FLT1: variants seen among roughly 807,000 people sequenced by gnomAD.
FLT1 encodes vascular endothelial growth factor receptor 1.
FLT1 carries 49 observed loss-of-function variants against 156.3 expected under a neutral mutation model. The observed-to-expected ratio is 0.31, with a 90% CI of 0.25 to 0.40. FLT1 has a LOEUF of 0.40. Among genes scored for constraint, FLT1 ranks in the 10% least tolerant of loss-of-function variants. The pLI is 1.00. For synonymous variants in FLT1, 594 were observed against 583.8 expected (o/e 1.02, Z -0.25); for missense variants, 1,322 against 1,637.2 (o/e 0.81, Z 3.32).
intron 12 of FLT1, among the ~76,000 whole-genome samples, chr13:28,393,055 C>T (rs906182218): frequency 6.6e-6 from 1 of 151,914 alleles, no homozygotes; most frequent in Non-Finnish European, 1.5e-5. Flanking sequence ...GCCTTCTAAC[C>T]CTCAAAGTGA....
chr13:28,301,957 C>T lies in FLT1; in HGVS notation c.*1210G>A, dbSNP rs1870532576. 4.3e-6 allele frequency: 1 copy of T among 233,704 alleles called. No homozygotes were observed. The highest frequency in any genetic ancestry group is 8.5e-6 in the Non-Finnish European group (1 of 118,028). The allele number at this position is 233,704 out of a possible 1,614,324, so 14.5% of individuals were successfully genotyped here. ...GCGCCAGCTAATGCTCTTCCACATC[C>T]TTTCAGATTAGTGTGAGATAGTGGA... On this transcript the variant is annotated 3_prime_UTR_variant, in exon 30 of 30. Transcript: ENST00000282397.
intron 10 of FLT1, among the ~76,000 whole-genome samples, chr13:28,412,278 C>A (rs1034107520): frequency 4.6e-5 from 7 of 152,102 alleles, no homozygotes; most frequent in Non-Finnish European, 5.9e-5. Context: ...CAAACACTAT[C>A]TTTCCCCCTT....
At chr13:28,472,190 T>C (rs615529) in intron 1 of FLT1, among the ~76,000 whole-genome samples, 17,215 of 152,234 alleles carry the variant, frequency 0.11, 1,218 homozygotes, top group Admixed American at 0.2. Context: ...ACGTAGAGTG[T>C]TCTAAAATGC....
At chr13:28,323,045 C>T (rs928171421) in intron 20 of FLT1, 99 bp from the exon 21 acceptor site, 12 of 1,268,092 alleles carry the variant, frequency 9.5e-6, no homozygotes, top group African/African-American at 5.9e-5. Flanking sequence ...GAAATGAGAG[C>T]GTTTCACTTC....
intron 20 of FLT1, among the ~76,000 whole-genome samples, chr13:28,325,306 C>G (rs1356563128): frequency 1.3e-5 from 2 of 152,132 alleles, no homozygotes; most frequent in African/African-American, 4.8e-5. Context: ...CCCAAGGCAC[C>G]ACTTTCCACT....
rs1881683607 is a variant in FLT1, at chr13:28,494,937, G to A, written c.-94C>T. On this transcript the variant is annotated 5_prime_UTR_variant, in exon 1 of 30. Transcript: ENST00000282397. ...TCCGTCCTCTCGTTCGCCGCCGCCG[G>A]CCCCGCGCCCTGAGCGCCCGTCTCG... is the stretch of plus-strand genomic sequence containing the variant. 6.1e-6 allele frequency: 6 copies of A among 976,212 alleles called. No homozygotes were observed. The highest frequency in any genetic ancestry group is 7.1e-5 in the Admixed American group (2 of 28,192). 60.5% of individuals were successfully genotyped at this position (976,212 alleles called of 1,614,324 possible).
In FLT1 at chr13:28,312,068, T is replaced by C. The variant is rs774792502; in HGVS notation, c.3417A>G (p.Arg1139=). ...IYQIMLDCWH[R]DPKERPRFAE... is the part of the protein sequence containing the mutation. ...CAAATCTTGGCCTTTCTTTTGGGTCTCTGTGCCAGCAGTCCAGCATGATCT... is the reference window on the plus strand; with the variant it reads ...CAAATCTTGGCCTTTCTTTTGGGTCCCTGTGCCAGCAGTCCAGCATGATCT... Residue 1139 remains arginine (R), a synonymous_variant, in exon 26 of 30, where the codon AGA becomes AGG. Coordinates refer to ENST00000282397, the MANE Select transcript of FLT1 (RefSeq NM_002019.4). 1 of 1,613,908 alleles carries C rather than the reference T, an allele frequency of 6.2e-7. No homozygotes were observed. Among genetic ancestry groups the C allele is most frequent in the South Asian group, 1.1e-5 (1 of 91,078 alleles).
chr13:28,398,984 G>T, intron 11 of FLT1: 1 of 1,071,022 alleles, frequency 9.3e-7, no homozygotes, highest in South Asian at 1.3e-5. Context: ...TTTAAGAGGT[G>T]GGACATAAAA....
intron 3 of FLT1, among the ~76,000 whole-genome samples, chr13:28,465,888 T>A (rs1879821525): frequency 6.6e-6 from 1 of 152,162 alleles, no homozygotes; most frequent in Non-Finnish European, 1.5e-5. Flanking sequence ...AAATGTTAGT[T>A]CTATTGTACT....
chr13:28,321,667 A>T, intron 22 of FLT1, 82 bp from the exon 23 acceptor site: 1 of 1,421,278 alleles, frequency 7.0e-7, no homozygotes, highest in Non-Finnish European at 9.9e-7. Flanking sequence ...TCATTATCTT[A>T]ATTTGGGAAT....
intron 11 of FLT1, among the ~76,000 whole-genome samples, chr13:28,401,192 C>CATAAATAA (rs1211982342): frequency 3.1e-4 from 47 of 152,198 alleles, no homozygotes; most frequent in African/African-American, 1.0e-3. Flanking sequence ...TGCCAAAATA[C>CATAAATAA]ATAAATAAAT....
At chr13:28,368,570 G>A (rs999630982) in intron 14 of FLT1, 5 of 1,505,120 alleles carry the variant, frequency 3.3e-6, no homozygotes, top group East Asian at 2.5e-5. Flanking sequence ...TGATGATAAT[G>A]ATGATAGCTA....
intron 14 of FLT1, among the ~76,000 whole-genome samples, chr13:28,381,860 C>T (rs1874091829): frequency 6.6e-6 from 1 of 152,212 alleles, no homozygotes; most frequent in African/African-American, 2.4e-5. Context: ...TTTTGTGCTA[C>T]CACTATGAGT....
chr13:28,470,273 C>T (rs966069413), intron 1 of FLT1, among the ~76,000 whole-genome samples: 1 of 152,182 alleles, frequency 6.6e-6, no homozygotes, highest in African/African-American at 2.4e-5. Context: ...GGCCCAAAAT[C>T]AGGGATCTGT....
chr13:28,492,677 TG>T (rs1286919115), intron 1 of FLT1, among the ~76,000 whole-genome samples: 1 of 152,216 alleles, frequency 6.6e-6, no homozygotes, highest in Non-Finnish European at 1.5e-5. Flanking sequence ...AACTCTGCAG[TG>T]GGGAACCGTG....
At chr13:28,361,485 C>G (rs1873111834) in intron 14 of FLT1, among the ~76,000 whole-genome samples, 1 of 151,918 alleles carries the variant, frequency 6.6e-6, no homozygotes, top group South Asian at 2.1e-4. Context: ...CAGAAGAAAT[C>G]CTTGCCTACA....
At position 28,438,348 on chromosome 13, in the gene FLT1, G is replaced by A. The variant is rs1304870278; in HGVS notation, c.389-3C>T. On this transcript the variant is annotated splice_region_variant and splice_polypyrimidine_tract_variant and intron_variant, in intron 3 of 29. Transcript: ENST00000282397. ...CTCTACGAAAGGTCTACCTGTATCT[G>A]AATGAGAAGAAAATGAAAAAAATAT... is the stretch of plus-strand genomic sequence containing the variant. 6.2e-7 allele frequency: 1 copy of A among 1,605,872 alleles called. No individual in the cohort carries two copies. The highest frequency in any genetic ancestry group is 8.5e-7 in the Non-Finnish European group (1 of 1,172,602).
chr13:28,422,982 TC>T (rs2137531370), intron 10 of FLT1, among the ~76,000 whole-genome samples: 1 of 152,224 alleles, frequency 6.6e-6, no homozygotes, highest in African/African-American at 2.4e-5. Context: ...CCATGGACAA[TC>T]TTATCTAAAT....
intron 3 of FLT1, among the ~76,000 whole-genome samples, chr13:28,459,582 A>C (rs1427066190): frequency 6.6e-6 from 1 of 152,214 alleles, no homozygotes; most frequent in Non-Finnish European, 1.5e-5. Flanking sequence ...TTAACCAAGC[A>C]ATATTAGATA....
Sources: allele counts gnomAD v4.1 joint callset (sites outside exome capture counted in the v4.1 genomes callset), GRCh38; gene constraint gnomAD v4.1.1; transcripts MANE v1.5; gene names NCBI Gene and HGNC (gene_info 2026-07-23, HGNC 2026-07-21).